The following AK5 variants were observed in gnomAD, a reference collection of about 807,000 sequenced individuals.
AK5 encodes the protein adenylate kinase 5, also known as adenylate kinase isoenzyme 5.
A neutral mutation model predicts 69.5 loss-of-function variants in AK5; 27 were observed. That is an observed-to-expected ratio of 0.39 (90% CI 0.29 to 0.54). The LOEUF (loss-of-function observed/expected upper bound fraction) is 0.54. Among genes scored for constraint, AK5 ranks in the 20% least tolerant of loss-of-function variants. The pLI, the probability that AK5 is intolerant of heterozygous loss-of-function variation, is 0.71. For synonymous variants in AK5, 260 were observed against 244.4 expected (o/e 1.06, Z -0.60); for missense variants, 531 against 700.4 (o/e 0.76, Z 2.73).
rs145838047 is a variant in AK5, at chr1:77,373,896, G to T, written c.891+33328G>T. Among the ~76,000 whole-genome samples, 258 of 152,012 alleles carry T rather than the reference G, an allele frequency of 1.7e-3. 7 individuals carry two copies. The South Asian group carries it at 0.051, about 30-fold the overall frequency. ...TATTCTTCATTTTTTAAATTATTGC[G>T]AAATCTTAAGCATTACACTGTAATA... On this transcript the variant is annotated intron_variant, in intron 6 of 13. Coordinates refer to ENST00000354567, the MANE Select transcript of AK5 (RefSeq NM_174858.3).
At chr1:77,532,567 C>T (rs1658709339) in intron 12 of AK5, among the ~76,000 whole-genome samples, 1 of 152,212 alleles carries the variant, frequency 6.6e-6, no homozygotes, top group Non-Finnish European at 1.5e-5. Flanking sequence ...GCCTCCATTT[C>T]CTCATCCTTA....
intron 6 of AK5, among the ~76,000 whole-genome samples, chr1:77,396,570 G>T (rs964446805): frequency 6.6e-6 from 1 of 152,210 alleles, no homozygotes; most frequent in African/African-American, 2.4e-5. Flanking sequence ...TTATAGACCT[G>T]GGAATAGTGA....
At chr1:77,483,412 A>G (rs1655394741) in intron 9 of AK5, 53 bp downstream of exon 9, 2 of 1,386,852 alleles carry the variant, frequency 1.4e-6, no homozygotes, top group Non-Finnish European at 2.0e-6. Flanking sequence ...AACTTTGACC[A>G]TGCCTTTTTA....
intron 13 of AK5, among the ~76,000 whole-genome samples, chr1:77,552,014 G>A (rs1158079633): frequency 2.0e-5 from 3 of 152,080 alleles, no homozygotes; most frequent in Admixed American, 1.3e-4. Flanking sequence ...AGGCCCATCT[G>A]TGCACTTCCT....
intron 6 of AK5, among the ~76,000 whole-genome samples, chr1:77,386,014 A>G (rs1462709021): frequency 1.3e-5 from 2 of 152,188 alleles, no homozygotes; most frequent in Non-Finnish European, 2.9e-5. Context: ...TTTTGATATC[A>G]TATTATCTTT....
In AK5 at chr1:77,538,305, C is replaced by T. The variant is rs114774036; in HGVS notation, c.1620+2267C>T. 3.3e-3 allele frequency among the ~76,000 whole-genome samples: 492 copies of T among 151,308 alleles called. 2 individuals carry two copies. The highest frequency in any genetic ancestry group is 0.011 in the African/African-American group (461 of 41,162). On this transcript the variant is annotated intron_variant, in intron 13 of 13. Coordinates refer to ENST00000354567, the MANE Select transcript of AK5 (RefSeq NM_174858.3). ...AGTTTGCCATGATCGCACCACTGCA[C>T]TCCAGCCTGGGCAACAGAGCAAGAC... is the stretch of plus-strand genomic sequence containing the variant.
chr1:77,462,623 G>T (rs1653911695), intron 8 of AK5, among the ~76,000 whole-genome samples: 1 of 152,002 alleles, frequency 6.6e-6, no homozygotes, highest in Non-Finnish European at 1.5e-5. Flanking sequence ...AATATGTTAT[G>T]AATCTCTTTC....
intron 2 of AK5, among the ~76,000 whole-genome samples, chr1:77,292,545 G>A (rs1324363603): frequency 6.6e-6 from 1 of 152,116 alleles, no homozygotes; most frequent in Non-Finnish European, 1.5e-5. Context: ...GTGCCTTTTG[G>A]GTAGTTAGTG....
At chr1:77,448,043 G>A (rs1652861914) in intron 8 of AK5, among the ~76,000 whole-genome samples, 1 of 152,212 alleles carries the variant, frequency 6.6e-6, no homozygotes, top group Non-Finnish European at 1.5e-5. Flanking sequence ...GAGGCTGACA[G>A]GGGGCTTAGG....
chr1:77,377,460 C>A (rs1029718257), intron 6 of AK5, among the ~76,000 whole-genome samples: 5 of 152,170 alleles, frequency 3.3e-5, no homozygotes, highest in African/African-American at 9.7e-5. Flanking sequence ...CTCATTAGTC[C>A]TGCTGCCACT....
intron 1 of AK5, among the ~76,000 whole-genome samples, chr1:77,285,498 A>G (rs1658301049): frequency 6.6e-6 from 1 of 152,370 alleles, no homozygotes; most frequent in South Asian, 2.1e-4. Context: ...AAAATACTGT[A>G]TTTAAACAGA....
chr1:77,341,458 G>A (rs748510191), intron 6 of AK5, among the ~76,000 whole-genome samples: 57 of 152,238 alleles, frequency 3.7e-4, no homozygotes, highest in Non-Finnish European at 5.6e-4. Flanking sequence ...TGTGTAGTTG[G>A]GTTACAAGCC....
At chr1:77,502,486 G>C (rs979723181) in intron 10 of AK5, among the ~76,000 whole-genome samples, 11 of 152,198 alleles carry the variant, frequency 7.2e-5, no homozygotes, top group Non-Finnish European at 1.6e-4. Context: ...GTATTTCAGA[G>C]AGCCTTGTGC....
intron 2 of AK5, among the ~76,000 whole-genome samples, chr1:77,289,820 G>A (rs976268682): frequency 3.1e-4 from 38 of 124,454 alleles, no homozygotes; most frequent in African/African-American, 1.0e-3. Context: ...CTGAGATCCC[G>A]CCAGTGCACT....
intron 7 of AK5, among the ~76,000 whole-genome samples, chr1:77,417,265 CAACCTGTATTCACCCTCA>C (rs1336145169): frequency 1.3e-5 from 2 of 152,086 alleles, no homozygotes; most frequent in Non-Finnish European, 2.9e-5. Context: ...CCCTCCTGGA[CAACCTGTATTCACCCTCA>C]AAATTCAGGA....
chr1:77,294,761 T>A (rs1228630706), intron 3 of AK5, among the ~76,000 whole-genome samples: 1 of 152,104 alleles, frequency 6.6e-6, no homozygotes, highest in Non-Finnish European at 1.5e-5. Flanking sequence ...AATGAAAATG[T>A]TTTAAATATT....
chr1:77,429,315 C>G (rs1651435099), intron 8 of AK5, among the ~76,000 whole-genome samples: 1 of 152,174 alleles, frequency 6.6e-6, no homozygotes, highest in Non-Finnish European at 1.5e-5. Flanking sequence ...GAGATGGTAT[C>G]TCATTGTGGT....
At chr1:77,282,471 G>A in intron 1 of AK5, 98 bp downstream of exon 1, 8 of 1,446,816 alleles carry the variant, frequency 5.5e-6, no homozygotes, top group South Asian at 1.5e-5. Context: ...TCCCCACACG[G>A]GGCATGTAAT....
intron 5 of AK5, among the ~76,000 whole-genome samples, chr1:77,338,801 G>A (rs1661499251): frequency 6.6e-6 from 1 of 152,100 alleles, no homozygotes; most frequent in Admixed American, 6.5e-5. Flanking sequence ...TGGCTAAAAT[G>A]TATTGAGCAC....
Sources: allele counts gnomAD v4.1 joint callset (sites outside exome capture counted in the v4.1 genomes callset), GRCh38; gene constraint gnomAD v4.1.1; transcripts MANE v1.5; gene names NCBI Gene and HGNC (gene_info 2026-07-23, HGNC 2026-07-21).